OPA3: variants seen among roughly 807,000 people sequenced by gnomAD.
The protein encoded by OPA3 is outer mitochondrial membrane lipid metabolism regulator OPA3, also known as optic atrophy 3 protein.
Under a neutral mutation model 4.0 loss-of-function variants are expected in OPA3, and 6 were observed. That is an observed-to-expected ratio of 1.51 (90% CI 0.83 to 2.99). The LOEUF is 2.99. OPA3 is among the 30% of genes most tolerant of loss of function. The pLI, the probability that OPA3 is intolerant of heterozygous loss-of-function variation, is 0.00. For synonymous variants in OPA3, 105 were observed against 117.1 expected, an observed-to-expected ratio of 0.90 and a Z score of 0.67; for missense variants, 235 against 256.2, an observed-to-expected ratio of 0.92 and a Z score of 0.56.
rs554310726 is a variant in OPA3, at chr19:45,540,709, A to G, written c.143-11253T>C. On this transcript the variant is annotated intron_variant, in intron 1 of 1. Transcript: ENST00000323060. ...TCCCAGCTACTTGGGAGGCTGAGGC[A>G]GGAGAATCACTTGAACCTGGGAGGC... Among the ~76,000 whole-genome samples, 26 of 151,692 alleles carry G rather than the reference A, an allele frequency of 1.7e-4. No individual in the cohort carries two copies. In the South Asian group the frequency reaches 5.2e-3, roughly 30 times the overall value.
intron 1 of OPA3, among the ~76,000 whole-genome samples, chr19:45,571,527 TAGG>T (rs1185443715): frequency 6.6e-6 from 1 of 152,182 alleles, no homozygotes. Flanking sequence ...GTTTCCTTGA[TAGG>T]AGAACATAAT....
chr19:45,584,515 GC>G, intron 1 of OPA3, 107 bp downstream of exon 1: 1 of 1,506,334 alleles, frequency 6.6e-7, no homozygotes, highest in Non-Finnish European at 9.0e-7. Context: ...ACTGGACTTT[GC>G]CGGTTCGGGC....
chr19:45,547,419 A>C lies in OPA3; in HGVS notation c.*6095T>G, dbSNP rs1234089394. 1 of 152,236 alleles carries C rather than the reference A, an allele frequency of 6.6e-6. No homozygotes were observed. The highest frequency in any genetic ancestry group is 2.4e-5 in the African/African-American group (1 of 41,468). The allele number at this position is 152,236 out of a possible 1,614,324, so 9.4% of individuals were successfully genotyped here. A position where few individuals can be genotyped will look rare whatever the true frequency, so the allele number is the denominator to read the frequency against. On this transcript the variant is annotated 3_prime_UTR_variant, in exon 2 of 2. Coordinates refer to ENST00000263275, the MANE Select transcript of OPA3 (RefSeq NM_025136.4). ...GGGTTCCAATAAGTCTTTATTTACA[A>C]AGACAGGAAGCAAGGGTCCCCTTGA...
At chr19:45,577,363 GC>G (rs1969784717) in intron 1 of OPA3, among the ~76,000 whole-genome samples, 1 of 152,206 alleles carries the variant, frequency 6.6e-6, no homozygotes, top group Non-Finnish European at 1.5e-5. Flanking sequence ...AGAAAGCAGG[GC>G]CGCCAGTGCA....
At position 45,584,710 on chromosome 19, in the gene OPA3, C is replaced by T. The variant is rs1343690502; in HGVS notation, c.55G>A (p.Val19Ile). Residue 19 changes from valine to isoleucine, a missense_variant, in exon 1 of 2, where the codon GTC (valine) becomes ATC (isoleucine). Val to Ile is a conservative substitution (Grantham distance 29). Coordinates refer to ENST00000263275, the MANE Select transcript of OPA3 (RefSeq NM_025136.4). The stretch of plus-strand genomic sequence containing the variant: ...ATACGGTTGGCAAGCGGCTTGCTGA[C>T]CTGCCGGATGCCCAAGTATAGCAGC... ...AKLLYLGIRQ[V>I]SKPLANRIKE... is the part of the protein sequence containing the mutation. 55 of 1,614,068 alleles carry T rather than the reference C, an allele frequency of 3.4e-5. No homozygotes were observed. Among genetic ancestry groups the T allele is most frequent in the Non-Finnish European group, 4.5e-5 (53 of 1,180,044 alleles).
chr19:45,571,336 G>A (rs867717916), intron 1 of OPA3, among the ~76,000 whole-genome samples: 50 of 152,090 alleles, frequency 3.3e-4, no homozygotes, highest in African/African-American at 1.0e-3. Context: ...TAGTAGAGAC[G>A]GGGTTTCTCC....
intron 1 of OPA3, among the ~76,000 whole-genome samples, chr19:45,558,273 C>T (rs938569698): frequency 1.7e-4 from 26 of 151,862 alleles, no homozygotes; most frequent in East Asian, 3.9e-4. Flanking sequence ...TGGAGGTTGC[C>T]GTGAGCCAAG....
chr19:45,548,539 G>A lies in OPA3; in HGVS notation c.*4975C>T, dbSNP rs567309052. The A allele has an allele frequency of 4.0e-4, 393 of 985,410 alleles. No homozygotes were observed. Among genetic ancestry groups the A allele is most frequent in the Non-Finnish European group, 4.3e-4 (360 of 829,936 alleles). 61.0% of individuals were successfully genotyped at this position (985,410 alleles called of 1,614,324 possible). Reference sequence around the variant, plus strand: ...AGGGAACACTGGAAAAGAAATGTACGTGTGAGCATCTGTAAGACCCGGTGA... The same window carrying A: ...AGGGAACACTGGAAAAGAAATGTACATGTGAGCATCTGTAAGACCCGGTGA... On this transcript the variant is annotated 3_prime_UTR_variant, in exon 2 of 2. Coordinates refer to ENST00000263275, the MANE Select transcript of OPA3 (RefSeq NM_025136.4).
chr19:45,545,710 C>CTT (rs991429583), downstream of OPA3, among the ~76,000 whole-genome samples: 79 of 129,502 alleles, frequency 6.1e-4, no homozygotes, highest in Non-Finnish European at 8.3e-4. Context: ...ACATGCTTTT[C>CTT]TTTTTTTTTT....
intron 1 of OPA3, among the ~76,000 whole-genome samples, chr19:45,583,244 G>A (rs1208524104): frequency 1.3e-5 from 2 of 151,638 alleles, no homozygotes; most frequent in Admixed American, 1.3e-4. Context: ...TCCGCCTTCC[G>A]GGTTCACGCC....
rs1318316072 is a variant in OPA3, at chr19:45,552,834, C to A, written c.*680G>T. The A allele has an allele frequency of 4.6e-6, 1 of 218,624 alleles. No homozygotes were observed. The highest frequency in any genetic ancestry group is 7.8e-6 in the Non-Finnish European group (1 of 128,818). 13.5% of individuals were successfully genotyped at this position (218,624 alleles called of 1,614,324 possible). On this transcript the variant is annotated 3_prime_UTR_variant, in exon 2 of 2. Transcript: ENST00000263275. ...GGGATTACAAGCGCACCCCACCACA[C>A]CCGGCTAATTTTTGTATTTTTAGTA...
At chr19:45,535,548 A>G (rs1969106371) in intron 1 of OPA3, among the ~76,000 whole-genome samples, 1 of 151,556 alleles carries the variant, frequency 6.6e-6, no homozygotes, top group Non-Finnish European at 1.5e-5. Context: ...CTGTAAAGAC[A>G]GGGTTTCGCC....
chr19:45,527,911 G>C (rs1436711057), exon 2 of OPA3: 1 of 152,300 alleles, frequency 6.6e-6, no homozygotes, highest in African/African-American at 2.4e-5. Flanking sequence ...ACCCCGCTTG[G>C]ACAGGGGGAC....
At position 45,549,066 on chromosome 19, in the gene OPA3, A is replaced by G. The variant is rs1969294083; in HGVS notation, c.*4448T>C. The G allele has an allele frequency of 2.1e-6, 2 of 964,126 alleles. No individual in the cohort carries two copies. The highest frequency in any genetic ancestry group is 1.8e-5 in the African/African-American group (1 of 56,742). The allele number at this position is 964,126 out of a possible 1,614,324, so 59.7% of individuals were successfully genotyped here. ...GTGATCCACCCACCCTGGCCTCCCA[A>G]AGTGCTAGGATTACAGGTGTGAGCC... On this transcript the variant is annotated 3_prime_UTR_variant, in exon 2 of 2. Coordinates refer to ENST00000263275, the MANE Select transcript of OPA3 (RefSeq NM_025136.4).
chr19:45,539,511 C>A (rs1302806427), intron 1 of OPA3, among the ~76,000 whole-genome samples: 1 of 152,120 alleles, frequency 6.6e-6, no homozygotes, highest in East Asian at 1.9e-4. Context: ...GAGATGAGGT[C>A]TCACTATATT....
rs1187886430 is a variant in OPA3 at position 45,553,101 on chromosome 19, AAAG to A, written c.*410_*412del. The A allele has an allele frequency of 6.8e-5, 77 of 1,128,044 alleles. No individual in the cohort carries two copies. Among genetic ancestry groups the A allele is most frequent in the South Asian group, 2.4e-4 (11 of 45,052 alleles). The allele number at this position is 1,128,044 out of a possible 1,614,324, so 69.9% of individuals were successfully genotyped here. A position where few individuals can be genotyped will look rare whatever the true frequency, so the allele number is the denominator to read the frequency against. ...TACAGTGGTCTGTGCCGATTGACAA[AAAG>A]AAGAAGGTGTTCCAGTGTAACAGAT... is the stretch of plus-strand genomic sequence containing the variant. On this transcript the variant is annotated 3_prime_UTR_variant, in exon 2 of 2. Coordinates refer to ENST00000263275, the MANE Select transcript of OPA3 (RefSeq NM_025136.4).
At chr19:45,558,722 GTTTTTTT>G (rs573234842) in intron 1 of OPA3, among the ~76,000 whole-genome samples, 1 of 146,510 alleles carries the variant, frequency 6.8e-6, no homozygotes, top group Non-Finnish European at 1.5e-5. Context: ...ATGTTCTGCT[GTTTTTTT>G]TTTTTATTTT....
chr19:45,548,753 A>G lies in OPA3; in HGVS notation c.*4761T>C. On this transcript the variant is annotated 3_prime_UTR_variant, in exon 2 of 2. Transcript: ENST00000263275. ...CTCAGTGAGTTTTTTGAGTGAAAGAATAAATAAAGGATATTTTTCCTAAGG... is the reference window on the plus strand; with the variant it reads ...CTCAGTGAGTTTTTTGAGTGAAAGAGTAAATAAAGGATATTTTTCCTAAGG... The G allele has an allele frequency of 1.0e-6, 1 of 978,036 alleles. No homozygotes were observed. Among genetic ancestry groups the G allele is most frequent in the Non-Finnish European group, 1.2e-6 (1 of 823,450 alleles). 60.6% of individuals were successfully genotyped at this position (978,036 alleles called of 1,614,324 possible).
At chr19:45,565,011 G>A (rs555230389) in intron 1 of OPA3, among the ~76,000 whole-genome samples, 14 of 152,100 alleles carry the variant, frequency 9.2e-5, no homozygotes, top group African/African-American at 3.1e-4. Flanking sequence ...CGGATCACGA[G>A]GTCAAGAGAT....
Sources: gnomAD v4.1 joint callset for allele counts (sites outside exome capture counted in the v4.1 genomes callset) on GRCh38, gnomAD v4.1.1 for gene constraint, MANE v1.5 for transcripts, NCBI Gene and HGNC (gene_info 2026-07-23, HGNC 2026-07-21) for gene names.